The following MICU2 variants were observed in gnomAD, a reference collection of about 807,000 sequenced individuals.
MICU2 encodes the protein mitochondrial calcium uptake 2, also known as calcium uptake protein 2, mitochondrial.
MICU2 carries 64 observed loss-of-function variants against 60.4 expected under a neutral mutation model. That is an observed-to-expected ratio of 1.06 (90% confidence interval 0.87 to 1.31). The LOEUF is 1.31. Among genes scored for constraint, MICU2 ranks in the 50% most tolerant of loss-of-function variants. MICU2 has a pLI of 0.00. For synonymous variants in MICU2, 201 were observed against 175.0 expected (o/e 1.15, Z -1.17); for missense variants, 569 against 531.0 (o/e 1.07, Z -0.70).
intron 4 of MICU2, among the ~76,000 whole-genome samples, chr13:21,533,220 T>C (rs1338262988): frequency 6.6e-6 from 1 of 152,152 alleles, no homozygotes; most frequent in Non-Finnish European, 1.5e-5. Flanking sequence ...GTGTATAGGA[T>C]ATACTTCATA....
At chr13:21,533,038 G>C (rs1240326470) in intron 4 of MICU2, among the ~76,000 whole-genome samples, 1 of 152,116 alleles carries the variant, frequency 6.6e-6, no homozygotes, top group Non-Finnish European at 1.5e-5. Context: ...AAGAGGCCTA[G>C]AGCAAATACA....
At chr13:21,494,756 G>C (rs1885950025) in intron 11 of MICU2, among the ~76,000 whole-genome samples, 1 of 151,950 alleles carries the variant, frequency 6.6e-6, no homozygotes, top group Admixed American at 6.6e-5. Flanking sequence ...TCAAACTCCT[G>C]GCCTCAAGTG....
At chr13:21,588,042 G>A (rs906724097) in intron 1 of MICU2, among the ~76,000 whole-genome samples, 2 of 152,130 alleles carry the variant, frequency 1.3e-5, no homozygotes, top group African/African-American at 2.4e-5. Flanking sequence ...AGACCCCAGT[G>A]TCAACCAGGA....
At chr13:21,547,027 T>C (rs562578094) in intron 2 of MICU2, among the ~76,000 whole-genome samples, 2 of 152,308 alleles carry the variant, frequency 1.3e-5, no homozygotes, top group East Asian at 3.9e-4. Flanking sequence ...CAGTACAATG[T>C]TGAAGACAAG....
chr13:21,532,835 T>C (rs1435063270), intron 4 of MICU2, among the ~76,000 whole-genome samples: 1 of 151,914 alleles, frequency 6.6e-6, no homozygotes, highest in Non-Finnish European at 1.5e-5. Flanking sequence ...ATGAGCTGAA[T>C]GAATGAATGA....
chr13:21,577,454 A>C lies in MICU2; in HGVS notation c.211-10510T>G, dbSNP rs187599145. Among the ~76,000 whole-genome samples, 120 of 152,240 alleles carry C rather than the reference A, an allele frequency of 7.9e-4. 1 individual carries two copies. The highest frequency in any genetic ancestry group is 6.0e-3 in the South Asian group (29 of 4,822). On this transcript the variant is annotated intron_variant, in intron 1 of 11. Transcript: ENST00000382374. ...AGGATCACTTCAGGCCAGGAGTTGT[A>C]GACCAGCCTGGGCAACACAGCAAGA...
intron 1 of MICU2, among the ~76,000 whole-genome samples, chr13:21,599,166 G>A (rs553464926): frequency 6.6e-6 from 1 of 152,246 alleles, no homozygotes; most frequent in African/African-American, 2.4e-5. Context: ...CTAGTCCCTG[G>A]TGCCAAAAAG....
intron 1 of MICU2, among the ~76,000 whole-genome samples, chr13:21,583,878 T>C (rs1453342786): frequency 6.6e-6 from 1 of 152,248 alleles, no homozygotes; most frequent in African/African-American, 2.4e-5. Flanking sequence ...CAGTGTGATT[T>C]AATCTCCTGA....
intron 2 of MICU2, among the ~76,000 whole-genome samples, chr13:21,566,215 A>G (rs763005612): frequency 6.6e-6 from 1 of 152,160 alleles, no homozygotes; most frequent in Non-Finnish European, 1.5e-5. Flanking sequence ...AGAGTATTCC[A>G]GTACACTTAG....
intron 1 of MICU2, among the ~76,000 whole-genome samples, chr13:21,572,575 T>C (rs1419571694): frequency 1.3e-5 from 2 of 152,244 alleles, no homozygotes; most frequent in Admixed American, 6.5e-5. Context: ...ACTTAGACTG[T>C]ATACCTAAAG....
intron 1 of MICU2, 81 bp downstream of exon 1, chr13:21,603,858 A>G: frequency 6.7e-7 from 1 of 1,491,070 alleles, no homozygotes; most frequent in Non-Finnish European, 9.1e-7. Context: ...AGAGCCGCCC[A>G]GAGCCAAACC....
chr13:21,576,801 C>T (rs1888236887), intron 1 of MICU2, among the ~76,000 whole-genome samples: 1 of 152,076 alleles, frequency 6.6e-6, no homozygotes, highest in Non-Finnish European at 1.5e-5. Flanking sequence ...CTCTCATGCC[C>T]CACCCCTAAC....
At chr13:21,531,507 T>C (rs921109776) in intron 4 of MICU2, among the ~76,000 whole-genome samples, 3 of 152,174 alleles carry the variant, frequency 2.0e-5, no homozygotes, top group African/African-American at 7.2e-5. Context: ...CTGTAAGTAA[T>C]GGGATTCTTC....
intron 2 of MICU2, among the ~76,000 whole-genome samples, chr13:21,548,968 C>T (rs1457502780): frequency 6.8e-6 from 1 of 146,980 alleles, no homozygotes; most frequent in Admixed American, 6.8e-5. Flanking sequence ...CTTCTGTCAC[C>T]CAGGCTGGAG....
At chr13:21,503,406 T>C (rs1271987715) in intron 8 of MICU2, among the ~76,000 whole-genome samples, 3 of 152,208 alleles carry the variant, frequency 2.0e-5, no homozygotes, top group African/African-American at 7.2e-5. Context: ...CTTTGATACA[T>C]CCATAGAAAA....
At chr13:21,538,573 A>AAAAC (rs1887194345) in intron 4 of MICU2, among the ~76,000 whole-genome samples, 1 of 150,852 alleles carries the variant, frequency 6.6e-6, no homozygotes, top group Admixed American at 6.6e-5. Flanking sequence ...AAAAAAAAAA[A>AAAAC]AAAAAAACCC....
chr13:21,588,496 C>G (rs1359702786), intron 1 of MICU2, among the ~76,000 whole-genome samples: 1 of 152,196 alleles, frequency 6.6e-6, no homozygotes, highest in Non-Finnish European at 1.5e-5. Context: ...GGCCATCTAG[C>G]TTCCATCTCC....
chr13:21,515,149 C>T (rs1212523617), intron 6 of MICU2, among the ~76,000 whole-genome samples: 6 of 151,694 alleles, frequency 4.0e-5, no homozygotes, highest in African/African-American at 9.7e-5. Flanking sequence ...TGGCACGATC[C>T]CGGCTGACTG....
chr13:21,504,334 G>A (rs575407222), intron 8 of MICU2, among the ~76,000 whole-genome samples: 8 of 152,054 alleles, frequency 5.3e-5, no homozygotes, highest in African/African-American at 9.6e-5. Context: ...AATTAGGCAA[G>A]CAGAAGATAG....
Sources: allele counts gnomAD v4.1 joint callset (sites outside exome capture counted in the v4.1 genomes callset), GRCh38; gene constraint gnomAD v4.1.1; transcripts MANE v1.5; gene names NCBI Gene and HGNC (gene_info 2026-07-23, HGNC 2026-07-21).